CLPTM1: variants seen among roughly 807,000 people sequenced by gnomAD.
The protein encoded by CLPTM1 is putative lipid scramblase CLPTM1.
In CLPTM1, 21 loss-of-function variants were observed where a neutral mutation model predicts 77.3. That is an observed-to-expected ratio of 0.27 (90% CI 0.19 to 0.39). The LOEUF (loss-of-function observed/expected upper bound fraction) is 0.39. Ranked by LOEUF, CLPTM1 falls within the 10% of genes least tolerant of loss-of-function variation. The probability of loss-of-function intolerance (pLI) is 1.00; values close to 1 mark genes in which losing one functional copy is unlikely to be tolerated. For missense variants in CLPTM1, 642 were observed against 921.2 expected (o/e 0.70, Z 3.92); for synonymous variants, 373 against 381.0 (o/e 0.98, Z 0.24).
chr19:44,955,236 C>G (rs1970440067), upstream of CLPTM1: 2 of 1,503,778 alleles, frequency 1.3e-6, no homozygotes, highest in Non-Finnish European at 1.8e-6. Flanking sequence ...GTTGGTCCTT[C>G]CATAGCCGGA....
intron 8 of CLPTM1, 70 bp from the exon 9 acceptor site, chr19:44,988,010 C>T: frequency 8.2e-7 from 1 of 1,220,968 alleles, no homozygotes; most frequent in Non-Finnish European, 1.2e-6. Flanking sequence ...CCAGGGGCAG[C>T]CCTCGGGACA....
chr19:44,983,503 A>G (rs1445514160), intron 5 of CLPTM1, among the ~76,000 whole-genome samples: 1 of 150,520 alleles, frequency 6.6e-6, no homozygotes, highest in Non-Finnish European at 1.5e-5. Flanking sequence ...CTGTAGTCCC[A>G]GCTACCCAGG....
Position 44,992,669 on chromosome 19 carries a change from A to G in CLPTM1, c.1782A>G (p.Arg594=), listed in dbSNP as rs2122345904. The change falls in exon 14 of 14, where the codon CGA becomes CGG. Residue 594 remains arginine, a synonymous_variant. Coordinates refer to ENST00000337392, the MANE Select transcript of CLPTM1 (RefSeq NM_001294.4). This position sits in a 1 kb window ranked among gnomAD's most constrained non-coding sequence, Gnocchi z 7.7. ...QRWIYRVDPT[R]VNEFGMSGED... is the part of the protein sequence containing the mutation. ...GGATCTACCGCGTCGACCCCACCCG[A>G]GTCAACGAGTTTGGCATGAGTGGAG... 2 of 1,613,836 alleles carry G rather than the reference A, an allele frequency of 1.2e-6. No homozygotes were observed. The highest frequency in any genetic ancestry group is 2.7e-5 in the African/African-American group (2 of 74,974).
rs756734937 is a variant in CLPTM1, at chr19:44,988,073, C to A, written c.1039-7C>A. ...GGACAGGCTGTGCTCACATGTGTCC[C>A]CTGCAGGTGGCCCTGCTGGAGACCA... On this transcript the variant is annotated splice_polypyrimidine_tract_variant and splice_region_variant and intron_variant, in intron 8 of 13. Transcript: ENST00000337392. 5 of 1,608,768 alleles carry A rather than the reference C, an allele frequency of 3.1e-6. No homozygotes were observed. In the East Asian group the frequency reaches 6.7e-5, roughly 22 times the overall value.
At position 44,992,657 on chromosome 19, in the gene CLPTM1, C is replaced by A. The variant is rs144871053; in HGVS notation, c.1770C>A (p.Val590=). Residue 590 remains valine (V), a synonymous_variant, in exon 14 of 14, where the codon GTC becomes GTA. Coordinates refer to ENST00000337392, the MANE Select transcript of CLPTM1 (RefSeq NM_001294.4). This position sits in a 1 kb window ranked among gnomAD's most constrained non-coding sequence, Gnocchi z 7.7. ...TCTACCAACGGTGGATCTACCGCGTCGACCCCACCCGAGTCAACGAGTTTG... is the reference window on the plus strand; with the variant it reads ...TCTACCAACGGTGGATCTACCGCGTAGACCCCACCCGAGTCAACGAGTTTG... ...IYLYQRWIYR[V]DPTRVNEFGM... The A allele has an allele frequency of 6.2e-7, 1 of 1,613,842 alleles. No homozygotes were observed. The highest frequency in any genetic ancestry group is 8.5e-7 in the Non-Finnish European group (1 of 1,179,964).
At chr19:44,955,046 A>G, upstream of CLPTM1, 1 of 1,535,768 alleles carries the variant, frequency 6.5e-7, no homozygotes, top group Non-Finnish European at 8.7e-7. Flanking sequence ...GGCAGGGAGA[A>G]GCGGACAGGA....
intron 2 of CLPTM1, among the ~76,000 whole-genome samples, chr19:44,963,976 C>G (rs1047472177): frequency 2.0e-5 from 3 of 151,188 alleles, no homozygotes; most frequent in Non-Finnish European, 4.4e-5. Flanking sequence ...CTATGTTGAC[C>G]AGGCTGGTCT....
At chr19:44,955,706 C>T (rs546964534) in intron 1 of CLPTM1, 9 of 387,686 alleles carry the variant, frequency 2.3e-5, no homozygotes, top group Non-Finnish European at 3.6e-5. Context: ...AGGCTCATTG[C>T]TCGATCCGGG....
At chr19:44,964,436 G>A (rs1464232122) in intron 2 of CLPTM1, among the ~76,000 whole-genome samples, 2 of 147,638 alleles carry the variant, frequency 1.4e-5, no homozygotes, top group African/African-American at 2.5e-5. Context: ...TCAGCCACCT[G>A]AGTAGCTGGG....
chr19:44,983,700 C>T (rs1970935457), intron 5 of CLPTM1, among the ~76,000 whole-genome samples: 1 of 149,092 alleles, frequency 6.7e-6, no homozygotes, highest in African/African-American at 2.5e-5. Context: ...CGGCAGCTCA[C>T]ACCTGTAATC....
chr19:44,967,657 C>A (rs372848815), intron 2 of CLPTM1, among the ~76,000 whole-genome samples: 6,392 of 135,296 alleles, frequency 0.047, 440 homozygotes, highest in African/African-American at 0.15. Context: ...AACTCTGTCC[C>A]AAAAAAAAAA....
At chr19:44,977,255 AC>A (rs1253729022) in intron 4 of CLPTM1, 87 bp from the exon 5 acceptor site, 3 of 946,780 alleles carry the variant, frequency 3.2e-6, no homozygotes, top group Non-Finnish European at 3.4e-6. Flanking sequence ...GGGGGAGGAA[AC>A]TGCTGCAGAT....
intron 2 of CLPTM1, 146 bp downstream of exon 2, chr19:44,962,221 T>G (rs952246990): frequency 4.6e-6 from 2 of 439,492 alleles, no homozygotes; most frequent in Admixed American, 4.3e-5. Context: ...TATGATGGAA[T>G]GTTTTCTAAA....
chr19:44,968,906 G>A (rs965250611), intron 2 of CLPTM1, among the ~76,000 whole-genome samples: 6 of 152,178 alleles, frequency 3.9e-5, no homozygotes, highest in Non-Finnish European at 5.9e-5. Flanking sequence ...GGGAGGTAGC[G>A]ATGGCTCAGC....
chr19:44,956,983 G>A (rs1970474113), intron 1 of CLPTM1, among the ~76,000 whole-genome samples: 1 of 152,144 alleles, frequency 6.6e-6, no homozygotes, highest in Non-Finnish European at 1.5e-5. Context: ...ATTTTAGGAT[G>A]TTTAGCAGCA....
At chr19:44,965,106 T>A (rs1970606393) in intron 2 of CLPTM1, among the ~76,000 whole-genome samples, 1 of 152,204 alleles carries the variant, frequency 6.6e-6, no homozygotes, top group African/African-American at 2.4e-5. Context: ...TTTTTGCTTT[T>A]TGGAGATGTA....
At chr19:44,986,999 C>G in intron 7 of CLPTM1, 180 bp from the exon 8 acceptor site, 4 of 768,128 alleles carry the variant, frequency 5.2e-6, no homozygotes, top group Admixed American at 5.3e-5. Flanking sequence ...CTGCCCTTTG[C>G]CTCAGTCCCC....
At chr19:44,988,215 TG>T (rs1253480210) in intron 9 of CLPTM1, 42 bp downstream of exon 9, 1 of 1,441,256 alleles carries the variant, frequency 6.9e-7, no homozygotes, top group African/African-American at 1.4e-5. Context: ...CTGTGCAGGG[TG>T]GGGGACAGGA....
upstream of CLPTM1, chr19:44,954,800 G>A: frequency 7.8e-7 from 1 of 1,281,574 alleles, no homozygotes; most frequent in South Asian, 1.6e-5. Flanking sequence ...TTGGCCGTAA[G>A]ACCCCTGGAA....
Sources: gnomAD v4.1 joint callset for allele counts (sites outside exome capture counted in the v4.1 genomes callset) on GRCh38, gnomAD v4.1.1 for gene constraint, Gnocchi (gnomAD v3.1) non-coding constraint, MANE v1.5 for transcripts, NCBI Gene and HGNC (gene_info 2026-07-23, HGNC 2026-07-21) for gene names.